SYNE2: variants seen among roughly 807,000 people sequenced by gnomAD.
SYNE2 encodes the protein nesprin-2.
In SYNE2, 431 loss-of-function variants were observed where a neutral mutation model predicts 856.3. The observed-to-expected ratio is 0.50, with a 90% CI of 0.47 to 0.55. The LOEUF is 0.55. SYNE2 is among the 20% of genes least tolerant of loss of function. SYNE2 has a pLI of 0.00. For synonymous variants in SYNE2, 2,923 were observed against 2,872.3 expected, an observed-to-expected ratio of 1.02 and a Z score of -0.56; for missense variants, 8,129 against 8,023.2, an observed-to-expected ratio of 1.01 and a Z score of -0.50.
rs12385930 is a variant in SYNE2 at position 63,974,896 on chromosome 14, A to G, written c.1129-1667A>G. Among the ~76,000 whole-genome samples, 141 of 28,894 alleles carry G rather than the reference A, an allele frequency of 4.9e-3. 1 individual carries two copies. Among genetic ancestry groups the G allele is most frequent in the East Asian group, 0.018 (13 of 740 alleles). 19.0% of individuals were successfully genotyped at this position (28,894 alleles called of 152,430 possible). A position where few individuals can be genotyped will look rare whatever the true frequency, so the allele number is the denominator to read the frequency against. On this transcript the variant is annotated intron_variant, in intron 11 of 115. Transcript: ENST00000555002. The stretch of plus-strand genomic sequence containing the variant: ...TGTGTGTGTGTGTGTGTGTGTGTAT[A>G]TATATATATATATATATATATGTAT...
At chr14:63,909,747 A>G in intron 2 of SYNE2, among the ~76,000 whole-genome samples, 1 of 152,210 alleles carries the variant, frequency 6.6e-6, no homozygotes, top group East Asian at 1.9e-4. Context: ...AGGCTGAAGC[A>G]GGAGAATTGT....
chr14:63,941,777 C>G lies in SYNE2; in HGVS notation c.224C>G (p.Ser75Cys). Residue 75 changes from serine to cysteine, a missense_variant, in exon 4 of 116, where the codon TCT becomes TGT. Physicochemically the swap from Ser to Cys is moderately radical, Grantham distance 112. Coordinates refer to ENST00000555002, the MANE Select transcript of SYNE2 (RefSeq NM_182914.3). ...CTCCTGGATCTGCTAGAAGTACTTT[C>G]TGGGCAACAGTTGGTAAGATTTTTA... ...HVLLDLLEVL[S>C]GQQLPRDKGS... The G allele has an allele frequency of 6.2e-7, 1 of 1,614,036 alleles. No homozygotes were observed. The highest frequency in any genetic ancestry group is 8.5e-7 in the Non-Finnish European group (1 of 1,179,958).
In SYNE2 at chr14:64,168,878, TG is replaced by T; in HGVS notation, c.16908del (p.Met5636IlefsTer2). On this transcript the variant is annotated frameshift_variant and splice_region_variant, in exon 93 of 116. Coordinates refer to ENST00000555002, the MANE Select transcript of SYNE2 (RefSeq NM_182914.3). LOFTEE classifies it high-confidence loss of function. ...ELLEQQKTYK[M>X]LEAEVSINQT... The stretch of plus-strand genomic sequence containing the variant: ...TTTTCTGCTTGGACTCATATACAGA[TG>T]TTAGAAGCTGAAGTTTCTATAAACC... 1.2e-6 allele frequency: 2 copies of T among 1,610,690 alleles called. No individual in the cohort carries two copies.
chr14:63,912,519 A>C (rs1323580000), intron 2 of SYNE2, among the ~76,000 whole-genome samples: 1 of 152,194 alleles, frequency 6.6e-6, no homozygotes, highest in Non-Finnish European at 1.5e-5. Context: ...ATTTCATGTA[A>C]TATAAGAGGC....
At chr14:64,161,238 G>T (rs113818679) in intron 87 of SYNE2, among the ~76,000 whole-genome samples, 2 of 151,860 alleles carry the variant, frequency 1.3e-5, no homozygotes, top group African/African-American at 4.8e-5. Context: ...AGCTACTTGT[G>T]GGGGCTGAGA....
At chr14:64,121,761 T>C (rs2097900785) in intron 68 of SYNE2, among the ~76,000 whole-genome samples, 1 of 152,248 alleles carries the variant, frequency 6.6e-6, no homozygotes, top group African/African-American at 2.4e-5. Context: ...GCTTTGCCTG[T>C]CTTTTCAAAA....
Position 64,221,708 on chromosome 14 carries a change from A to C in SYNE2, c.20190+4A>C. The C allele has an allele frequency of 6.2e-7, 1 of 1,613,588 alleles. No homozygotes were observed. Among genetic ancestry groups the C allele is most frequent in the Non-Finnish European group, 8.5e-7 (1 of 1,179,582 alleles). On this transcript the variant is annotated splice_donor_region_variant and intron_variant, in intron 112 of 115. Coordinates refer to ENST00000555002, the MANE Select transcript of SYNE2 (RefSeq NM_182914.3). The stretch of plus-strand genomic sequence containing the variant: ...AGAGTGTCGGAGGGAACTAATGGTA[A>C]GTTTCCTCCCAAGGGCTCTGTACTG...
chr14:63,960,764 A>C, intron 8 of SYNE2: 1 of 764,258 alleles, frequency 1.3e-6, no homozygotes, highest in South Asian at 1.3e-5. Flanking sequence ...CACTTTACAG[A>C]ATTTATATGC....
intron 64 of SYNE2, among the ~76,000 whole-genome samples, chr14:64,105,314 G>A (rs1048989160): frequency 2.0e-5 from 3 of 152,118 alleles, no homozygotes; most frequent in Admixed American, 6.5e-5. Flanking sequence ...CAAACTTAGC[G>A]TGACATTCCA....
At chr14:64,115,027 A>G (rs1042744987) in intron 66 of SYNE2, among the ~76,000 whole-genome samples, 1 of 152,194 alleles carries the variant, frequency 6.6e-6, no homozygotes, top group Non-Finnish European at 1.5e-5. Context: ...GTCATACAGC[A>G]CAGAGCAATG....
chr14:63,847,609 G>A (rs1211451506), intron 1 of SYNE2, among the ~76,000 whole-genome samples: 187 of 146,148 alleles, frequency 1.3e-3, no homozygotes, highest in African/African-American at 2.2e-3. Flanking sequence ...TTTTTGAGAC[G>A]GAGTCTCGCT....
At chr14:63,868,154 C>T (rs1454527716) in intron 1 of SYNE2, among the ~76,000 whole-genome samples, 2 of 152,158 alleles carry the variant, frequency 1.3e-5, no homozygotes, top group Admixed American at 1.3e-4. Context: ...AAATGAGATG[C>T]ACAAGGTCTT....
intron 1 of SYNE2, among the ~76,000 whole-genome samples, chr14:63,808,928 CAGG>C (rs1228378417): frequency 6.6e-6 from 1 of 152,140 alleles, no homozygotes; most frequent in Admixed American, 6.5e-5. Context: ...GAGGCTGAGG[CAGG>C]AGAATTGCTT....
intron 44 of SYNE2, 30 bp downstream of exon 44, chr14:64,030,089 A>G (rs2097020353): frequency 6.2e-7 from 1 of 1,608,986 alleles, no homozygotes; most frequent in Non-Finnish European, 8.5e-7. Flanking sequence ...CATGATAGAC[A>G]TTTAAAAAAA....
chr14:64,013,938 G>T (rs941381929), intron 32 of SYNE2, among the ~76,000 whole-genome samples: 2 of 152,122 alleles, frequency 1.3e-5, no homozygotes, highest in Admixed American at 6.5e-5. Flanking sequence ...ATGCAGTCAA[G>T]ATAAAGAACA....
At chr14:63,935,527 A>G (rs909409341) in intron 2 of SYNE2, among the ~76,000 whole-genome samples, 5 of 152,238 alleles carry the variant, frequency 3.3e-5, no homozygotes, top group Admixed American at 6.5e-5. Flanking sequence ...ACTTTTGCAC[A>G]TATTGCAGGC....
intron 1 of SYNE2, among the ~76,000 whole-genome samples, chr14:63,863,057 G>A (rs972936401): frequency 6.6e-6 from 1 of 151,854 alleles, no homozygotes; most frequent in African/African-American, 2.4e-5. Context: ...CTCAGCCTCC[G>A]AAAATGCTGG....
At position 64,100,553 on chromosome 14, in the gene SYNE2, T is replaced by A. The variant is rs866798270; in HGVS notation, c.12382-1379T>A. 9.3e-3 allele frequency among the ~76,000 whole-genome samples: 1,162 copies of A among 125,080 alleles called. 56 individuals carry two copies. The highest frequency in any genetic ancestry group is 0.012 in the Middle Eastern group (3 of 250). The allele number at this position is 125,080 out of a possible 152,430, so 82.1% of individuals were successfully genotyped here. Reference sequence around the variant, plus strand: ...AAAAATATATATATATATATATATATATATATATATATATATATTTATGAC... The same window carrying A: ...AAAAATATATATATATATATATATAAATATATATATATATATATTTATGAC... On this transcript the variant is annotated intron_variant, in intron 63 of 115. Transcript: ENST00000555002.
At chr14:64,170,122 T>C (rs1438929790) in intron 93 of SYNE2, 106 bp from the exon 94 acceptor site, 7 of 1,090,872 alleles carry the variant, frequency 6.4e-6, no homozygotes, top group Admixed American at 3.9e-5. Context: ...ATTTTTTTCA[T>C]GTAAATTGTA....
Sources: allele counts gnomAD v4.1 joint callset (sites outside exome capture counted in the v4.1 genomes callset), GRCh38; gene constraint gnomAD v4.1.1; transcripts MANE v1.5; gene names NCBI Gene and HGNC (gene_info 2026-07-23, HGNC 2026-07-21).